CHTOP: variants seen among roughly 807,000 people sequenced by gnomAD.
The protein encoded by CHTOP is chromatin target of PRMT1 protein.
In CHTOP, 18 loss-of-function variants were observed where a neutral mutation model predicts 33.6. The ratio of observed to expected loss-of-function variants is 0.54; its 90% CI spans 0.37 to 0.80. The LOEUF (loss-of-function observed/expected upper bound fraction) is 0.80, where lower values mean the gene tolerates loss of function less well. CHTOP is among the 30% of genes least tolerant of loss of function. CHTOP has a pLI of 0.00. For synonymous variants in CHTOP, 117 were observed against 127.7 expected (o/e 0.92, Z 0.56); for missense variants, 263 against 336.8 (o/e 0.78, Z 1.71).
At chr1:153,635,135 C>T (rs1449393711) in intron 1 of CHTOP, among the ~76,000 whole-genome samples, 1 of 150,876 alleles carries the variant, frequency 6.6e-6, no homozygotes. Context: ...CAGGCGTGAG[C>T]CACCGCGCCC....
intron 5 of CHTOP, 104 bp downstream of exon 5, chr1:153,643,468 T>G (rs190589099): frequency 1.4e-5 from 17 of 1,179,746 alleles, no homozygotes; most frequent in Admixed American, 1.1e-4. Context: ...CAGGCTTCTT[T>G]GTTTGTCTTG....
chr1:153,640,845 T>C (rs1668595917), intron 3 of CHTOP, among the ~76,000 whole-genome samples: 3 of 152,150 alleles, frequency 2.0e-5, no homozygotes, highest in Non-Finnish European at 4.4e-5. Context: ...GAAGGGAAAC[T>C]AAGTGGTATA....
chr1:153,634,553 T>C (rs1053834317), intron 1 of CHTOP, among the ~76,000 whole-genome samples: 8 of 65,076 alleles, frequency 1.2e-4, no homozygotes, highest in East Asian at 6.3e-4. Flanking sequence ...TGGGGTTTGA[T>C]AGGATAAAAA....
intron 3 of CHTOP, chr1:153,639,452 G>C (rs1036913887): frequency 3.1e-6 from 3 of 963,102 alleles, no homozygotes; most frequent in Middle Eastern, 5.2e-4. Context: ...CCATGCAACT[G>C]TAAGGGCTTT....
chr1:153,636,944 G>T lies in CHTOP; in HGVS notation c.65+291G>T, dbSNP rs543531611. ...ATTTTTTTACGTTGATACTGGGGTCGTGCAGCACGGTAGCATGGTACCCTG... is the reference window on the plus strand; with the variant it reads ...ATTTTTTTACGTTGATACTGGGGTCTTGCAGCACGGTAGCATGGTACCCTG... On this transcript the variant is annotated intron_variant, in intron 2 of 5. Coordinates refer to ENST00000368694, the MANE Select transcript of CHTOP (RefSeq NM_015607.4). The T allele has an allele frequency of 2.0e-3, 619 of 317,036 alleles. 1 individual carries two copies. The highest frequency in any genetic ancestry group is 2.6e-3 in the Non-Finnish European group (425 of 165,304). The allele number at this position is 317,036 out of a possible 1,614,324, so 19.6% of individuals were successfully genotyped here. A position where few individuals can be genotyped will look rare whatever the true frequency, so the allele number is the denominator to read the frequency against.
At position 153,642,315 on chromosome 1, in the gene CHTOP, A is replaced by G; in HGVS notation, c.289A>G (p.Arg97Gly). Residue 97 changes from arginine to glycine, a missense_variant, in exon 4 of 6, where the codon AGG becomes GGG. Arg to Gly is a moderately radical substitution (Grantham distance 125, BLOSUM62 -2). This residue lies in a region of CHTOP where 168 missense variants were observed against 179.9 expected (regional missense o/e 0.93). Transcript: ENST00000368694. ...RLGRPIGALA[R>G]GAIGGRGLPI... ...AGGCCGACCCATAGGGGCCCTGGCC[A>G]GGGGAGCAATCGGAGGACGAGGCCT... The G allele has an allele frequency of 6.2e-7, 1 of 1,614,216 alleles. No individual in the cohort carries two copies. The highest frequency in any genetic ancestry group is 8.5e-7 in the Non-Finnish European group (1 of 1,180,032).
At chr1:153,638,498 G>C in intron 3 of CHTOP, 50 bp downstream of exon 3, 1 of 1,606,086 alleles carries the variant, frequency 6.2e-7, no homozygotes, top group Non-Finnish European at 8.5e-7. Flanking sequence ...ATCTCTGTGA[G>C]GGAGTCCACT....
At chr1:153,644,402 A>G (rs1668732688) in intron 5 of CHTOP, 1 of 152,232 alleles carries the variant, frequency 6.6e-6, no homozygotes, top group Admixed American at 6.5e-5. Context: ...TGTTAACTGA[A>G]TTCACACTGC....
intron 3 of CHTOP, among the ~76,000 whole-genome samples, chr1:153,640,389 A>G (rs1443995167): frequency 1.3e-5 from 2 of 151,880 alleles, no homozygotes; most frequent in African/African-American, 4.8e-5. Flanking sequence ...GAATCTCTTG[A>G]ACCCAGGAAG....
chr1:153,643,550 A>G, intron 5 of CHTOP, 186 bp downstream of exon 5: 1 of 565,036 alleles, frequency 1.8e-6, no homozygotes, highest in South Asian at 3.7e-5. Flanking sequence ...GATTTTTCCA[A>G]GAATCAATCA....
At chr1:153,636,761 C>G in intron 2 of CHTOP, 108 bp downstream of exon 2, 1 of 890,954 alleles carries the variant, frequency 1.1e-6, no homozygotes, top group South Asian at 1.5e-5. Flanking sequence ...CAACAGAAGG[C>G]TACAGACCTC....
chr1:153,638,526 A>G (rs1423245573), intron 3 of CHTOP, 78 bp downstream of exon 3: 2 of 1,533,168 alleles, frequency 1.3e-6, no homozygotes, highest in African/African-American at 2.7e-5. Flanking sequence ...TCAGGACGTG[A>G]TGGATGATTG....
At chr1:153,642,094 C>T (rs1668645801) in intron 3 of CHTOP, 152 bp from the exon 4 acceptor site, 2 of 569,478 alleles carry the variant, frequency 3.5e-6, no homozygotes, top group Admixed American at 3.3e-5. Context: ...CAAAGGCTTG[C>T]TTCTGGTTTG....
At chr1:153,645,014 A>C in intron 5 of CHTOP, 50 bp from the exon 6 acceptor site, 1 of 1,566,454 alleles carries the variant, frequency 6.4e-7, no homozygotes, top group Non-Finnish European at 8.7e-7. Flanking sequence ...AGCACCTATT[A>C]AACTTACTTG....
chr1:153,643,907 AATT>A (rs1159737684), intron 5 of CHTOP: 1 of 152,256 alleles, frequency 6.6e-6, no homozygotes, highest in Non-Finnish European at 1.5e-5. Context: ...AGCAAGATGG[AATT>A]ATTATCAGTT....
At chr1:153,636,409 C>CAAAAA (rs35357072) in intron 1 of CHTOP, among the ~76,000 whole-genome samples, 163 bp from the exon 2 acceptor site, 1 of 122,738 alleles carries the variant, frequency 8.1e-6, no homozygotes. Flanking sequence ...GACCCTGTCT[C>CAAAAA]AAAAAAAAAA....
chr1:153,634,855 TA>T (rs199845154), intron 1 of CHTOP, among the ~76,000 whole-genome samples: 3,511 of 96,734 alleles, frequency 0.036, 103 homozygotes, highest in African/African-American at 0.11. Flanking sequence ...TATATATATA[TA>T]TTTTTTTTTG....
Position 153,645,912 on chromosome 1 carries a change from A to G in CHTOP, c.*643A>G, listed in dbSNP as rs1668809138. On this transcript the variant is annotated 3_prime_UTR_variant, in exon 6 of 6. Transcript: ENST00000368694. Reference sequence around the variant, plus strand: ...TTGCTACCATGTACATTGACAGCACATATACCATAACCAGCGTGTTGGGTT... The same window carrying G: ...TTGCTACCATGTACATTGACAGCACGTATACCATAACCAGCGTGTTGGGTT... The G allele has an allele frequency of 6.5e-6, 1 of 152,806 alleles. No homozygotes were observed. The highest frequency in any genetic ancestry group is 2.4e-5 in the African/African-American group (1 of 41,466). 9.5% of individuals were successfully genotyped at this position (152,806 alleles called of 1,614,324 possible). A position where few individuals can be genotyped will look rare whatever the true frequency, so the allele number is the denominator to read the frequency against.
At position 153,642,463 on chromosome 1, in the gene CHTOP, C is replaced by T. The variant is rs1177713120; in HGVS notation, c.403+34C>T. 3.9e-6 allele frequency: 6 copies of T among 1,534,744 alleles called. 1 individual carries two copies. In the South Asian group the frequency reaches 6.1e-5, roughly 16 times the overall value. Reference sequence around the variant, plus strand: ...TGTGTACCCTGATAATTGTCGGGCCCTACTCCCTTCCCTTTTCTCTTGGGC... The same window carrying T: ...TGTGTACCCTGATAATTGTCGGGCCTTACTCCCTTCCCTTTTCTCTTGGGC... On this transcript the variant is annotated intron_variant, in intron 4 of 5. Transcript: ENST00000368694.
Sources: gnomAD v4.1 joint callset for allele counts (sites outside exome capture counted in the v4.1 genomes callset) on GRCh38, gnomAD v4.1.1 for gene constraint, gnomAD v4.1.1 regional missense constraint, MANE v1.5 for transcripts, NCBI Gene and HGNC (gene_info 2026-07-23, HGNC 2026-07-21) for gene names.